Variants in XRCC4 observed in about 807,000 individuals in gnomAD.
The protein encoded by XRCC4 is DNA repair protein XRCC4.
In XRCC4, 28 loss-of-function variants were observed where a neutral mutation model predicts 39.1. The ratio of observed to expected loss-of-function variants is 0.72; its 90% CI spans 0.53 to 0.98. The LOEUF is 0.98. Among genes scored for constraint, XRCC4 ranks in the 50% least tolerant of loss-of-function variants. The pLI is 0.00. For synonymous variants in XRCC4, 123 were observed against 126.4 expected, an observed-to-expected ratio of 0.97 and a Z score of 0.18; for missense variants, 350 against 376.4, an observed-to-expected ratio of 0.93 and a Z score of 0.58.
intron 6 of XRCC4, among the ~76,000 whole-genome samples, chr5:83,226,845 C>T (rs1192965980): frequency 2.6e-5 from 4 of 152,106 alleles, no homozygotes; most frequent in African/African-American, 9.7e-5. Flanking sequence ...GTTTCCTATT[C>T]CACCATGTTT....
intron 7 of XRCC4, among the ~76,000 whole-genome samples, chr5:83,310,110 T>C (rs1755654650): frequency 6.6e-6 from 1 of 152,170 alleles, no homozygotes; most frequent in Admixed American, 6.5e-5. Context: ...CTGCCCAAGA[T>C]CTTATATCTT....
intron 6 of XRCC4, among the ~76,000 whole-genome samples, chr5:83,240,399 C>T (rs74658102): frequency 0.011 from 1,673 of 151,990 alleles, 14 homozygotes; most frequent in Non-Finnish European, 0.017. Flanking sequence ...AAGAGAGAAG[C>T]GATGACCTGA....
At chr5:83,310,464 C>A (rs781135739) in intron 7 of XRCC4, among the ~76,000 whole-genome samples, 4 of 152,146 alleles carry the variant, frequency 2.6e-5, no homozygotes, top group Non-Finnish European at 5.9e-5. Context: ...CTATAAGTTT[C>A]ATTATTATTA....
chr5:83,374,077 T>C, the XRCC4 span, among the ~76,000 whole-genome samples: 10 of 152,160 alleles, frequency 6.6e-5, no homozygotes, highest in Admixed American at 6.6e-4. Flanking sequence ...TAAACTCTTT[T>C]GTCAATGTGG....
At chr5:83,115,631 A>C (rs1009692563) in intron 3 of XRCC4, among the ~76,000 whole-genome samples, 1 of 152,214 alleles carries the variant, frequency 6.6e-6, no homozygotes, top group African/African-American at 2.4e-5. Context: ...GACTCATAAT[A>C]ATCCTGAAAG....
intron 7 of XRCC4, among the ~76,000 whole-genome samples, chr5:83,311,654 C>G (rs1755712203): frequency 1.3e-5 from 2 of 151,988 alleles, no homozygotes; most frequent in African/African-American, 4.8e-5. Flanking sequence ...AATTTATCAT[C>G]TAGTCATTTT....
intron 6 of XRCC4, among the ~76,000 whole-genome samples, chr5:83,213,073 G>T (rs1443897018): frequency 6.6e-6 from 1 of 151,280 alleles, no homozygotes; most frequent in South Asian, 2.1e-4. Context: ...AGCAATGAAG[G>T]ACAGAAGGCA....
chr5:83,080,979 A>C (rs1040295901), intron 1 of XRCC4, among the ~76,000 whole-genome samples: 1 of 152,214 alleles, frequency 6.6e-6, no homozygotes, highest in Non-Finnish European at 1.5e-5. Context: ...TCACACCTCA[A>C]ACTGCCAAAC....
chr5:83,288,748 C>T (rs1489753671), intron 7 of XRCC4, among the ~76,000 whole-genome samples: 2 of 151,864 alleles, frequency 1.3e-5, no homozygotes, highest in Non-Finnish European at 2.9e-5. Context: ...TTTAATATGA[C>T]ATGCCTAGGG....
chr5:83,338,973 T>C (rs1286259009), intron 7 of XRCC4, among the ~76,000 whole-genome samples: 2 of 152,090 alleles, frequency 1.3e-5, no homozygotes, highest in Admixed American at 1.3e-4. Flanking sequence ...TAGAGACTTT[T>C]CCAGGGCAAA....
chr5:83,304,580 C>T (rs990045667), intron 7 of XRCC4, among the ~76,000 whole-genome samples: 11 of 152,188 alleles, frequency 7.2e-5, no homozygotes, highest in Admixed American at 3.9e-4. Context: ...CACAAATCTA[C>T]TCTCTGTGAT....
intron 6 of XRCC4, among the ~76,000 whole-genome samples, chr5:83,252,375 G>A (rs1189804965): frequency 6.6e-6 from 1 of 151,888 alleles, no homozygotes; most frequent in African/African-American, 2.4e-5. Flanking sequence ...AGCAGTCATA[G>A]TAGACTGAGT....
chr5:83,121,132 T>C (rs1746989395), intron 3 of XRCC4, among the ~76,000 whole-genome samples: 1 of 152,228 alleles, frequency 6.6e-6, no homozygotes, highest in Non-Finnish European at 1.5e-5. Flanking sequence ...TTATTCTTTT[T>C]TTCCTGCTGA....
intron 7 of XRCC4, among the ~76,000 whole-genome samples, chr5:83,321,197 G>C (rs1281931654): frequency 6.6e-6 from 1 of 152,124 alleles, no homozygotes; most frequent in African/African-American, 2.4e-5. Flanking sequence ...AAACATTTAT[G>C]TGACTCACTT....
At chr5:83,124,876 AG>A (rs1160690059) in intron 3 of XRCC4, among the ~76,000 whole-genome samples, 5 of 152,200 alleles carry the variant, frequency 3.3e-5, no homozygotes, top group Admixed American at 6.5e-5. Context: ...TTGTGAATGC[AG>A]GGCTGTATGG....
At chr5:83,196,142 A>G (rs1303824883) in intron 4 of XRCC4, among the ~76,000 whole-genome samples, 3 of 152,144 alleles carry the variant, frequency 2.0e-5, no homozygotes, top group Non-Finnish European at 4.4e-5. Flanking sequence ...ATGTGGTGGC[A>G]CCAGCAAATT....
chr5:83,258,868 T>C (rs1753652790), intron 7 of XRCC4, 191 bp downstream of exon 7: 2 of 768,230 alleles, frequency 2.6e-6, no homozygotes, highest in Non-Finnish European at 3.8e-6. Flanking sequence ...TATTTAAAGC[T>C]GAAATGCTGA....
rs898926542 is a variant in XRCC4, at chr5:83,257,444, C to A, written c.746-1086C>A. 4.0e-5 allele frequency among the ~76,000 whole-genome samples: 6 copies of A among 151,828 alleles called. 1 individual carries two copies. Among genetic ancestry groups the A allele is most frequent in the African/African-American group, 1.5e-4 (6 of 41,270 alleles). ...AACAGACATATGAAAAAAAGCTTAT[C>A]ATCACTGGCCATTACAGAAATACAA... On this transcript the variant is annotated intron_variant, in intron 6 of 7. Transcript: ENST00000396027.
chr5:83,341,443 C>T (rs1486437697), intron 7 of XRCC4, among the ~76,000 whole-genome samples: 2 of 152,056 alleles, frequency 1.3e-5, no homozygotes, highest in Non-Finnish European at 1.5e-5. Flanking sequence ...AACAGGTTTC[C>T]CAATTAACAG....
Sources: gnomAD v4.1 joint callset for allele counts (sites outside exome capture counted in the v4.1 genomes callset) on GRCh38, gnomAD v4.1.1 for gene constraint, MANE v1.5 for transcripts, NCBI Gene and HGNC (gene_info 2026-07-23, HGNC 2026-07-21) for gene names.